The following WHAMM variants were observed in gnomAD, a reference collection of about 807,000 sequenced individuals.
WHAMM encodes the protein WASP homolog-associated protein with actin, membranes and microtubules.
Under a neutral mutation model 76.5 loss-of-function variants are expected in WHAMM, and 67 were observed. The ratio of observed to expected loss-of-function variants is 0.88; its 90% confidence interval spans 0.72 to 1.07. WHAMM has a LOEUF of 1.07. Ranked by LOEUF, WHAMM falls within the 50% of genes least tolerant of loss-of-function variation. The pLI is 0.00. For missense variants in WHAMM, 1,021 were observed against 1,051.1 expected (o/e 0.97, Z 0.40); for synonymous variants, 419 against 422.1 (o/e 0.99, Z 0.09).
intron 9 of WHAMM, among the ~76,000 whole-genome samples, chr15:82,831,659 A>G (rs2051034151): frequency 1.3e-5 from 2 of 152,218 alleles, no homozygotes; most frequent in Non-Finnish European, 2.9e-5. Flanking sequence ...AGTGCAGTAC[A>G]CTGAATACTC....
In WHAMM at chr15:82,824,162, C is replaced by CTTTTTTTTT. The variant is rs71156055; in HGVS notation, c.1458+880_1458+888dup. Among the ~76,000 whole-genome samples the CTTTTTTTTT allele has an allele frequency of 3.2e-4, 38 of 118,040 alleles. 1 individual carries two copies. In the East Asian group the frequency reaches 4.0e-3, roughly 12 times the overall value. The allele number at this position is 118,040 out of a possible 152,430, so 77.4% of individuals were successfully genotyped here. The stretch of plus-strand genomic sequence containing the variant: ...TACTCATATTTACTATACTTTTCTC[C>CTTTTTTTTT]TTTTTTTTTTTTTGAAACAGAGTCT... On this transcript the variant is annotated intron_variant, in intron 6 of 9. Transcript: ENST00000286760.
rs1164883085 is a variant in WHAMM at position 82,835,585 on chromosome 15, CAT to C, written c.*2050_*2051del. 4 of 152,516 alleles carry C rather than the reference CAT, an allele frequency of 2.6e-5. No homozygotes were observed. Among genetic ancestry groups the C allele is most frequent in the South Asian group, 2.1e-4 (1 of 4,838 alleles). The allele number at this position is 152,516 out of a possible 1,614,324, so 9.4% of individuals were successfully genotyped here. On this transcript the variant is annotated 3_prime_UTR_variant, in exon 10 of 10. Transcript: ENST00000286760. ...ACTGCCAGGTTGCCCACGGGTCTGT[CAT>C]GTGTGCTACCTTTTCAGAATGCAAA...
chr15:82,823,713 G>C (rs1174744376), intron 6 of WHAMM, among the ~76,000 whole-genome samples: 1 of 152,050 alleles, frequency 6.6e-6, no homozygotes, highest in African/African-American at 2.4e-5. Context: ...TTACAGGCAC[G>C]CGCCAGCACG....
intron 4 of WHAMM, among the ~76,000 whole-genome samples, chr15:82,818,727 ATTAAATATCACAG>A (rs1397226427): frequency 6.6e-6 from 1 of 152,240 alleles, no homozygotes; most frequent in Non-Finnish European, 1.5e-5. Context: ...CTATAACAAG[ATTAAATATCACAG>A]ATTGGGTGGC....
intron 8 of WHAMM, among the ~76,000 whole-genome samples, chr15:82,827,113 G>A (rs1371822852): frequency 6.6e-6 from 1 of 152,172 alleles, no homozygotes; most frequent in Non-Finnish European, 1.5e-5. Context: ...AGTCCTAACT[G>A]GCACTGGTGG....
rs2050927877 is a variant in WHAMM at position 82,826,121 on chromosome 15, G to A, written c.1459-289G>A. On this transcript the variant is annotated intron_variant, in intron 6 of 9. Coordinates refer to ENST00000286760, the MANE Select transcript of WHAMM (RefSeq NM_001080435.3). ...GTTTAAACAGTCACATTAAAACATT[G>A]TTGGGACACATCCCATTTAAGAATG... 2.0e-5 allele frequency among the ~76,000 whole-genome samples: 3 copies of A among 152,278 alleles called. No homozygotes were observed. The South Asian group carries it at 6.2e-4, about 32-fold the overall frequency.
At chr15:82,817,374 G>T (rs563023859) in intron 3 of WHAMM, among the ~76,000 whole-genome samples, 1 of 152,200 alleles carries the variant, frequency 6.6e-6, no homozygotes, top group Admixed American at 6.5e-5. Flanking sequence ...CCATGCAGGG[G>T]CTTGTGGGCT....
rs776497350 is a variant in WHAMM, at chr15:82,823,192, A to C, written c.1363A>C (p.Asn455His). ...TGTGGTGGGGCTGCAGGATGATAAG[A>C]ATTTGGAAGTGAAAGAACTCAGAAG... ...DCVVGLQDDKNLEVKELRRQC... is the reference protein window; with the variant it reads ...DCVVGLQDDKHLEVKELRRQC... The change falls in exon 6 of 10, where the codon AAT becomes CAT. Residue 455 changes from asparagine (N) to histidine (H), a missense_variant. Physicochemically the swap from Asn to His is moderately conservative, Grantham distance 68. Transcript: ENST00000286760. The C allele has an allele frequency of 3.4e-5, 54 of 1,584,442 alleles. No individual in the cohort carries two copies. Among genetic ancestry groups the C allele is most frequent in the Admixed American group, 5.2e-5 (3 of 58,228 alleles).
chr15:82,820,737 A>G (rs998177870), intron 5 of WHAMM, among the ~76,000 whole-genome samples: 3 of 151,978 alleles, frequency 2.0e-5, no homozygotes, highest in African/African-American at 7.3e-5. Context: ...TCTACTAAAA[A>G]TACAAAAATT....
At position 82,824,282 on chromosome 15, in the gene WHAMM, C is replaced by T. The variant is rs867325760; in HGVS notation, c.1458+995C>T. On this transcript the variant is annotated intron_variant, in intron 6 of 9. Transcript: ENST00000286760. ...AAGCGAGTCTTCTGCCTCAGCCTCC[C>T]GTGTAGCTGGGATTACAGGTGCCTG... Among the ~76,000 whole-genome samples, 19 of 150,880 alleles carry T rather than the reference C, an allele frequency of 1.3e-4. No homozygotes were observed. In the South Asian group the frequency reaches 1.9e-3, roughly 15 times the overall value.
At position 82,815,155 on chromosome 15, in the gene WHAMM, A is replaced by ATATATATATATATATAAT. The variant is rs55807384; in HGVS notation, c.784-1537_784-1536insTATATATATATATATAAT. On this transcript the variant is annotated intron_variant, in intron 2 of 9. Transcript: ENST00000286760. ...TATATATATATATATATATATATAT[A>ATATATATATATATATAAT]GTACAATTCAGTGATTTTTAGTATA... is the stretch of plus-strand genomic sequence containing the variant. Among the ~76,000 whole-genome samples the ATATATATATATATATAAT allele has an allele frequency of 7.8e-4, 36 of 46,130 alleles. 2 individuals carry two copies. Among genetic ancestry groups the ATATATATATATATATAAT allele is most frequent in the African/African-American group, 1.4e-3 (15 of 10,996 alleles). The allele number at this position is 46,130 out of a possible 152,430, so 30.3% of individuals were successfully genotyped here.
At chr15:82,826,614 G>T in intron 7 of WHAMM, 118 bp downstream of exon 7, 1 of 1,582,720 alleles carries the variant, frequency 6.3e-7, no homozygotes, top group South Asian at 1.1e-5. Flanking sequence ...TTAGCCTCCA[G>T]GTCTGCAGCC....
chr15:82,816,655 T>G, intron 2 of WHAMM, 37 bp from the exon 3 acceptor site: 1 of 1,523,436 alleles, frequency 6.6e-7, no homozygotes, highest in Non-Finnish European at 8.8e-7. Flanking sequence ...ACATAACTAT[T>G]AGCTCTTACT....
In WHAMM at chr15:82,830,943, G is replaced by A. The variant is rs368568438; in HGVS notation, c.1986G>A (p.Leu662=). The change falls in exon 9 of 10, where the codon CTG becomes CTA. Residue 662 remains leucine (L), a synonymous_variant. Transcript: ENST00000286760. ...CCCCACCCCCTCCTCTCCGTGCTCT[G>A]TCCTCATCCTCTCAAGCTGCAACTC... ...PPPPPPPLRA[L]SSSSQAATHQ... is the part of the protein sequence containing the mutation. 3 of 1,576,730 alleles carry A rather than the reference G, an allele frequency of 1.9e-6. No individual in the cohort carries two copies. Among genetic ancestry groups the A allele is most frequent in the Non-Finnish European group, 2.6e-6 (3 of 1,172,992 alleles).
chr15:82,814,792 C>T lies in WHAMM; in HGVS notation c.783+1516C>T, dbSNP rs1190638942. ...TTTTTTTTTTTTTTTTTTTTTGAGA[C>T]AGAGTCTCGCTCTGTCGCCCAGGCT... On this transcript the variant is annotated intron_variant, in intron 2 of 9. Coordinates refer to ENST00000286760, the MANE Select transcript of WHAMM (RefSeq NM_001080435.3). Among the ~76,000 whole-genome samples the T allele has an allele frequency of 6.6e-4, 52 of 78,970 alleles. 1 individual carries two copies. Among genetic ancestry groups the T allele is most frequent in the African/African-American group, 2.4e-3 (41 of 17,308 alleles). The allele number at this position is 78,970 out of a possible 152,430, so 51.8% of individuals were successfully genotyped here. A position where few individuals can be genotyped will look rare whatever the true frequency, so the allele number is the denominator to read the frequency against.
chr15:82,816,929 G>A (rs1318477676), intron 3 of WHAMM, 87 bp downstream of exon 3: 14 of 1,316,066 alleles, frequency 1.1e-5, no homozygotes, highest in Middle Eastern at 3.8e-4. Flanking sequence ...TTACGCACTA[G>A]GTACTATGTT....
Position 82,810,013 on chromosome 15 carries a change from C to G in WHAMM, c.287C>G (p.Ala96Gly). 7.9e-7 allele frequency: 1 copy of G among 1,259,540 alleles called. No homozygotes were observed. The highest frequency in any genetic ancestry group is 1.6e-5 in the African/African-American group (1 of 63,796). 78.0% of individuals were successfully genotyped at this position (1,259,540 alleles called of 1,614,324 possible). ...CGCGGCGCGCACCGGCAGTTGGCGGCGCTGTGGCCGCCTCTGGAGCGCTGC... is the reference window on the plus strand; with the variant it reads ...CGCGGCGCGCACCGGCAGTTGGCGGGGCTGTGGCCGCCTCTGGAGCGCTGC... The part of the protein sequence containing the change: ...GLRGAHRQLA[A>G]LWPPLERCFP... Residue 96 changes from alanine (A) to glycine (G), a missense_variant, in exon 1 of 10, where the codon GCG (alanine) becomes GGG (glycine). This residue lies in a region of WHAMM where 501 missense variants were observed against 524.9 expected (regional missense o/e 0.95). Transcript: ENST00000286760.
In WHAMM at chr15:82,823,238, C is replaced by CT. The variant is rs1412690609; in HGVS notation, c.1410dup (p.Lys471Ter). 7.0e-6 allele frequency: 11 copies of CT among 1,582,110 alleles called. No individual in the cohort carries two copies. The highest frequency in any genetic ancestry group is 8.6e-6 in the Non-Finnish European group (10 of 1,161,420). On this transcript the variant is annotated frameshift_variant, in exon 6 of 10. Coordinates refer to ENST00000286760, the MANE Select transcript of WHAMM (RefSeq NM_001080435.3). LOFTEE classifies it high-confidence loss of function. ...AGAAGGCAGTGCCAGCAGCTGGAGT[C>CT]TAAACGGGGCAGGATCTGTGCCAAA...
chr15:82,833,115 A>T, intron 9 of WHAMM, 114 bp from the exon 10 acceptor site: 1 of 1,210,926 alleles, frequency 8.3e-7, no homozygotes, highest in South Asian at 1.6e-5. Context: ...TGAAGTGATT[A>T]TTTGTTTAAA....
Sources: gnomAD v4.1 joint callset for allele counts (sites outside exome capture counted in the v4.1 genomes callset) on GRCh38, gnomAD v4.1.1 for gene constraint, gnomAD v4.1.1 regional missense constraint, MANE v1.5 for transcripts, NCBI Gene and HGNC (gene_info 2026-07-23, HGNC 2026-07-21) for gene names.